SLCO2A1: variants seen among roughly 807,000 people sequenced by gnomAD.
SLCO2A1 encodes matrin F/G 1.
A neutral mutation model predicts 71.7 loss-of-function variants in SLCO2A1; 60 were observed. The ratio of observed to expected loss-of-function variants is 0.84; its 90% confidence interval spans 0.68 to 1.04. The LOEUF (loss-of-function observed/expected upper bound fraction) is 1.04, where lower values mean the gene tolerates loss of function less well. Among genes scored for constraint, SLCO2A1 ranks in the 50% least tolerant of loss-of-function variants. SLCO2A1 has a pLI of 0.00. For synonymous variants in SLCO2A1, 308 were observed against 326.7 expected (o/e 0.94, Z 0.62); for missense variants, 745 against 813.4 (o/e 0.92, Z 1.02).
intron 1 of SLCO2A1, among the ~76,000 whole-genome samples, chr3:133,980,057 C>G (rs1010702218): frequency 5.3e-5 from 8 of 152,210 alleles, no homozygotes; most frequent in African/African-American, 1.9e-4. Context: ...TCAGACCACT[C>G]TTGGGAGATG....
At chr3:134,023,236 A>G (rs1935628513) in intron 1 of SLCO2A1, among the ~76,000 whole-genome samples, 1 of 152,254 alleles carries the variant, frequency 6.6e-6, no homozygotes, top group Non-Finnish European at 1.5e-5. Context: ...GGAAAACCCT[A>G]TCAAACTAAA....
chr3:133,963,344 G>A (rs1166776971), intron 3 of SLCO2A1, among the ~76,000 whole-genome samples: 5 of 152,108 alleles, frequency 3.3e-5, no homozygotes, highest in African/African-American at 7.2e-5. Flanking sequence ...CCCACCCCTC[G>A]GGATGGCCAG....
rs148710665 is a variant in SLCO2A1, at chr3:133,944,860, T to C, written c.1461+235A>G. On this transcript the variant is annotated intron_variant, in intron 10 of 13. Coordinates refer to ENST00000310926, the MANE Select transcript of SLCO2A1 (RefSeq NM_005630.3). The stretch of plus-strand genomic sequence containing the variant: ...GCAGTTAGGCCTCAAGAATGTGAAT[T>C]TGTTGGACATCGGCCAGTCTTTAAT... 6.4e-3 allele frequency among the ~76,000 whole-genome samples: 971 copies of C among 152,292 alleles called. 12 individuals are homozygous for C. The highest frequency in any genetic ancestry group is 0.022 in the African/African-American group (912 of 41,562).
At chr3:134,019,449 C>A (rs1216906808) in intron 1 of SLCO2A1, among the ~76,000 whole-genome samples, 1 of 152,144 alleles carries the variant, frequency 6.6e-6, no homozygotes, top group Non-Finnish European at 1.5e-5. Flanking sequence ...CTATGCCTCA[C>A]GGAATTGGTG....
At chr3:133,995,932 G>A (rs901733492) in intron 1 of SLCO2A1, among the ~76,000 whole-genome samples, 113 of 152,296 alleles carry the variant, frequency 7.4e-4, no homozygotes, top group African/African-American at 2.6e-3. Context: ...TGCAGGAATA[G>A]TAAGTTATTC....
intron 1 of SLCO2A1, among the ~76,000 whole-genome samples, chr3:133,988,777 G>A (rs1399936539): frequency 1.3e-5 from 2 of 152,194 alleles, no homozygotes; most frequent in African/African-American, 4.8e-5. Flanking sequence ...GGGACATTCT[G>A]CTCTTCTGCT....
At chr3:133,992,759 G>C (rs1934881547) in intron 1 of SLCO2A1, among the ~76,000 whole-genome samples, 1 of 152,140 alleles carries the variant, frequency 6.6e-6, no homozygotes, top group Admixed American at 6.5e-5. Flanking sequence ...TCTGTCCAGG[G>C]ACAGCTGGAC....
chr3:134,020,381 G>A (rs772334783), intron 1 of SLCO2A1, among the ~76,000 whole-genome samples: 2 of 152,146 alleles, frequency 1.3e-5, no homozygotes, highest in East Asian at 1.9e-4. Context: ...GCGGATGGTC[G>A]AGGCAGCTCC....
chr3:133,954,200 T>A (rs1933826874), intron 4 of SLCO2A1, among the ~76,000 whole-genome samples: 1 of 148,314 alleles, frequency 6.7e-6, no homozygotes, highest in Admixed American at 6.8e-5. Flanking sequence ...TTCACTCTTG[T>A]TGCCCATGCT....
chr3:133,952,661 G>T (rs920157602), intron 5 of SLCO2A1, among the ~76,000 whole-genome samples: 1 of 152,174 alleles, frequency 6.6e-6, no homozygotes, highest in Non-Finnish European at 1.5e-5. Flanking sequence ...GGTGTCTAGG[G>T]ACTATATATT....
chr3:133,946,158 C>T (rs1433247204), intron 9 of SLCO2A1, among the ~76,000 whole-genome samples: 1 of 151,912 alleles, frequency 6.6e-6, no homozygotes, highest in Non-Finnish European at 1.5e-5. Flanking sequence ...GGGGTGAGCT[C>T]CCTACCCCGA....
intron 1 of SLCO2A1, among the ~76,000 whole-genome samples, chr3:133,999,804 G>A (rs1156872064): frequency 1.3e-5 from 2 of 152,204 alleles, no homozygotes; most frequent in African/African-American, 4.8e-5. Context: ...GTCTGAGAGA[G>A]TTCCAGGTAG....
intron 4 of SLCO2A1, among the ~76,000 whole-genome samples, chr3:133,954,079 G>A (rs904809013): frequency 6.6e-6 from 1 of 151,628 alleles, no homozygotes; most frequent in Non-Finnish European, 1.5e-5. Flanking sequence ...AGGAGCTCAT[G>A]GTGCCACAGA....
At chr3:134,011,191 C>T (rs901648736) in intron 1 of SLCO2A1, among the ~76,000 whole-genome samples, 1 of 152,186 alleles carries the variant, frequency 6.6e-6, no homozygotes, top group African/African-American at 2.4e-5. Context: ...GCTGGGATTA[C>T]AGGTGTGCAC....
At chr3:133,948,839 A>G (rs1204509088) in intron 7 of SLCO2A1, 54 bp downstream of exon 7, 14 of 1,597,426 alleles carry the variant, frequency 8.8e-6, no homozygotes, top group Non-Finnish European at 1.1e-5. Flanking sequence ...CCCCCTGGCC[A>G]CTATCCCCTC....
intron 1 of SLCO2A1, among the ~76,000 whole-genome samples, chr3:134,021,645 G>C (rs1935580720): frequency 6.6e-6 from 1 of 151,268 alleles, no homozygotes; most frequent in South Asian, 2.1e-4. Context: ...GTCAAGGAGA[G>C]AGAGAGAGAA....
At chr3:134,003,237 A>C (rs988299740) in intron 1 of SLCO2A1, among the ~76,000 whole-genome samples, 1 of 152,228 alleles carries the variant, frequency 6.6e-6, no homozygotes, top group Non-Finnish European at 1.5e-5. Context: ...CAAACACTTG[A>C]CACCTACCAG....
intron 3 of SLCO2A1, among the ~76,000 whole-genome samples, chr3:133,960,692 T>C (rs972017609): frequency 4.6e-5 from 7 of 152,164 alleles, no homozygotes; most frequent in Non-Finnish European, 8.8e-5. Context: ...TTAAAAGTGG[T>C]TAAACAGTAA....
chr3:133,970,084 C>T (rs1206585603), intron 3 of SLCO2A1, among the ~76,000 whole-genome samples: 3 of 152,212 alleles, frequency 2.0e-5, no homozygotes, highest in Non-Finnish European at 4.4e-5. Flanking sequence ...CTGTCACATT[C>T]TTCACAGGAA....
Sources: gnomAD v4.1 joint callset for allele counts (sites outside exome capture counted in the v4.1 genomes callset) on GRCh38, gnomAD v4.1.1 for gene constraint, MANE v1.5 for transcripts, NCBI Gene and HGNC (gene_info 2026-07-23, HGNC 2026-07-21) for gene names.